The following TRIQK variants were observed in gnomAD, a reference collection of about 807,000 sequenced individuals.
The protein encoded by TRIQK is triple QxxK/R motif containing, also known as triple QxxK/R motif-containing protein.
TRIQK carries 10 observed loss-of-function variants against 10.8 expected under a neutral mutation model. The ratio of observed to expected loss-of-function variants is 0.92; its 90% CI spans 0.57 to 1.57. TRIQK has a LOEUF of 1.57. TRIQK is among the 40% of genes most tolerant of loss of function. The pLI, the probability that TRIQK is intolerant of heterozygous loss-of-function variation, is 0.00. For synonymous variants in TRIQK, 33 were observed against 33.7 expected, an observed-to-expected ratio of 0.98 and a Z score of 0.07; for missense variants, 107 against 97.7, an observed-to-expected ratio of 1.09 and a Z score of -0.40.
intron 1 of TRIQK, chr8:92,974,545 T>A (rs1285712425): frequency 6.6e-6 from 1 of 152,208 alleles, no homozygotes; most frequent in East Asian, 1.9e-4. Context: ...TGAAGCTTGG[T>A]TGTTGCTGAA....
chr8:93,003,791 A>G (rs1200524417), intron 1 of TRIQK, among the ~76,000 whole-genome samples: 4 of 151,934 alleles, frequency 2.6e-5, no homozygotes, highest in South Asian at 2.1e-4. Flanking sequence ...GAAATTGGCC[A>G]AAAAAAAGGG....
chr8:92,902,476 G>A (rs1206148678), intron 3 of TRIQK, among the ~76,000 whole-genome samples: 2 of 152,144 alleles, frequency 1.3e-5, no homozygotes, highest in African/African-American at 4.8e-5. Flanking sequence ...GGTGGTATAG[G>A]TGACTCAAGA....
chr8:92,983,906 T>C (rs1813008488), intron 1 of TRIQK, among the ~76,000 whole-genome samples: 1 of 152,102 alleles, frequency 6.6e-6, no homozygotes, highest in Non-Finnish European at 1.5e-5. Context: ...GGTTTGGGAT[T>C]TGCTAATCAG....
At chr8:92,982,526 G>A (rs1247337856) in intron 1 of TRIQK, among the ~76,000 whole-genome samples, 1 of 151,960 alleles carries the variant, frequency 6.6e-6, no homozygotes, top group Non-Finnish European at 1.5e-5. Flanking sequence ...TAGTGGTAGG[G>A]AATGTCCAGG....
chr8:92,902,191 C>T (rs188165685), intron 3 of TRIQK, among the ~76,000 whole-genome samples: 114 of 152,238 alleles, frequency 7.5e-4, no homozygotes, highest in Admixed American at 3.6e-3. Flanking sequence ...CTGCCTTTCA[C>T]GTTTATCTAG....
intron 2 of TRIQK, among the ~76,000 whole-genome samples, chr8:92,932,218 T>C (rs1810763813): frequency 6.6e-6 from 1 of 152,156 alleles, no homozygotes; most frequent in Non-Finnish European, 1.5e-5. Flanking sequence ...ACTTTATATA[T>C]TACGCCCTCC....
chr8:92,910,990 C>T (rs1047622101), intron 3 of TRIQK, among the ~76,000 whole-genome samples: 25 of 151,098 alleles, frequency 1.7e-4, no homozygotes, highest in African/African-American at 5.6e-4. Context: ...TTAGAGAATA[C>T]CTATTCCTTT....
chr8:93,012,899 C>T (rs1308878215), intron 1 of TRIQK, among the ~76,000 whole-genome samples: 1 of 152,164 alleles, frequency 6.6e-6, no homozygotes, highest in Admixed American at 6.5e-5. Context: ...TGTATTGAAT[C>T]AGAAACAACA....
rs149454483 is a variant in TRIQK, at chr8:92,891,944, T to C, written c.147+45A>G. On this transcript the variant is annotated intron_variant, in intron 4 of 4. Coordinates refer to ENST00000521988, the MANE Select transcript of TRIQK (RefSeq NM_001171797.2). ...TGCAATCCAGTTTTAGAAAATGAAA[T>C]GGCATGCACATATCAAATTTTAAAG... 1,346 of 1,278,674 alleles carry C rather than the reference T, an allele frequency of 1.1e-3. 3 individuals are homozygous for C. Among genetic ancestry groups the C allele is most frequent in the Non-Finnish European group, 1.3e-3 (1,254 of 947,012 alleles). The allele number at this position is 1,278,674 out of a possible 1,614,324, so 79.2% of individuals were successfully genotyped here.
intron 2 of TRIQK, among the ~76,000 whole-genome samples, chr8:92,937,945 C>T (rs577698536): frequency 6.6e-6 from 1 of 151,996 alleles, no homozygotes; most frequent in African/African-American, 2.4e-5. Flanking sequence ...TATTTACCTA[C>T]ATATTTACTA....
upstream of TRIQK, among the ~76,000 whole-genome samples, chr8:92,967,500 G>A (rs747686677): frequency 1.3e-5 from 2 of 152,088 alleles, no homozygotes; most frequent in African/African-American, 2.4e-5. Context: ...GTATGACTCA[G>A]AGTCCCCATT....
chr8:92,947,090 A>G (rs1811578521), intron 2 of TRIQK, among the ~76,000 whole-genome samples: 1 of 151,450 alleles, frequency 6.6e-6, no homozygotes, highest in African/African-American at 2.4e-5. Flanking sequence ...TACGTGTGTC[A>G]CCTCTACTTT....
chr8:92,904,098 A>G (rs1809112749), intron 3 of TRIQK, among the ~76,000 whole-genome samples: 1 of 151,126 alleles, frequency 6.6e-6, no homozygotes, highest in Non-Finnish European at 1.5e-5. Context: ...GCAAAGATTC[A>G]AAAAACACTA....
At chr8:93,006,781 T>G (rs1813277618) in intron 1 of TRIQK, among the ~76,000 whole-genome samples, 1 of 152,152 alleles carries the variant, frequency 6.6e-6, no homozygotes, top group Non-Finnish European at 1.5e-5. Flanking sequence ...GACTCCTCCC[T>G]CTTCACTGTG....
chr8:92,977,614 A>G lies in TRIQK; in HGVS notation c.-180-23050T>C, dbSNP rs926205066. 3.3e-5 allele frequency among the ~76,000 whole-genome samples: 5 copies of G among 151,974 alleles called. No homozygotes were observed. The South Asian group carries it at 6.2e-4, about 19-fold the overall frequency. ...TGCTTATCATCCTTTTCTACTAACT[A>G]TATTATCTAAATTACTTCTTACTCT... On this transcript the variant is annotated intron_variant, in intron 1 of 4. Transcript: ENST00000520686.
At chr8:92,995,910 G>A (rs188862578) in intron 1 of TRIQK, among the ~76,000 whole-genome samples, 24 of 152,120 alleles carry the variant, frequency 1.6e-4, no homozygotes, top group Non-Finnish European at 2.4e-4. Flanking sequence ...GGTTTCCCGG[G>A]ATAGTCATGT....
Position 92,884,996 on chromosome 8 carries a change from C to T in TRIQK, c.*1626G>A, listed in dbSNP as rs1382878044. On this transcript the variant is annotated 3_prime_UTR_variant, in exon 5 of 5. Coordinates refer to ENST00000521988, the MANE Select transcript of TRIQK (RefSeq NM_001171797.2). ...ATGGCATTAAATGCTGCAACCTTTCCTAAAAATGCCACTTGGATTGGTCCG... is the reference window on the plus strand; with the variant it reads ...ATGGCATTAAATGCTGCAACCTTTCTTAAAAATGCCACTTGGATTGGTCCG... 2.2e-6 allele frequency: 1 copy of T among 455,956 alleles called. No individual in the cohort carries two copies. Among genetic ancestry groups the T allele is most frequent in the Non-Finnish European group, 4.4e-6 (1 of 226,694 alleles). The allele number at this position is 455,956 out of a possible 1,614,324, so 28.2% of individuals were successfully genotyped here.
rs111428833 is a variant in TRIQK at position 92,934,647 on chromosome 8, C to T, written c.-21-17637G>A. 4.3e-3 allele frequency among the ~76,000 whole-genome samples: 649 copies of T among 151,942 alleles called. 4 individuals are homozygous for T. The highest frequency in any genetic ancestry group is 6.9e-3 in the Non-Finnish European group (466 of 67,792). On this transcript the variant is annotated intron_variant, in intron 2 of 4. Coordinates refer to ENST00000521988, the MANE Select transcript of TRIQK (RefSeq NM_001171797.2). ...CCAATTTCATAGAAGTTGTACTAAA[C>T]GCATTCATTATATCGAAGTCCCAGG...
At chr8:92,901,057 G>A (rs1273984206) in intron 3 of TRIQK, among the ~76,000 whole-genome samples, 2 of 151,862 alleles carry the variant, frequency 1.3e-5, no homozygotes, top group Non-Finnish European at 2.9e-5. Flanking sequence ...TTGTCATATG[G>A]AAATCCTACT....
Sources: allele counts gnomAD v4.1 joint callset (sites outside exome capture counted in the v4.1 genomes callset), GRCh38; gene constraint gnomAD v4.1.1; transcripts MANE v1.5; gene names NCBI Gene and HGNC (gene_info 2026-07-23, HGNC 2026-07-21).